Variants in ASB10 observed in about 807,000 individuals in gnomAD.
ASB10 encodes the protein ankyrin repeat and SOCS box containing 10.
Under a neutral mutation model 35.4 loss-of-function variants are expected in ASB10, and 44 were observed. That is an observed-to-expected ratio of 1.24 (90% CI 0.98 to 1.60). ASB10 has a LOEUF of 1.60. Ranked by LOEUF, ASB10 falls within the 40% of genes most tolerant of loss-of-function variation. The pLI is 0.00. For synonymous variants in ASB10, 294 were observed against 280.4 expected (o/e 1.05, Z -0.49); for missense variants, 647 against 634.3 (o/e 1.02, Z -0.22).
upstream of ASB10, chr7:151,187,363 T>C (rs1346463283): frequency 1.2e-5 from 19 of 1,538,738 alleles, no homozygotes; most frequent in South Asian, 1.7e-4. The surrounding 1 kb of genome is among the most constrained non-coding windows in gnomAD (Gnocchi z 5.3). Flanking sequence ...AGCCGGGGGC[T>C]TCTCCTTTCA....
At chr7:151,180,687 A>T (rs891508) in intron 3 of ASB10, among the ~76,000 whole-genome samples, 2 of 152,070 alleles carry the variant, frequency 1.3e-5, no homozygotes, top group Non-Finnish European at 2.9e-5. Flanking sequence ...ATGCACATAC[A>T]TGCATGAACA....
Position 151,187,201 on chromosome 7 carries a change from G to C in ASB10, c.-71C>G, listed in dbSNP as rs1563578665. ...AGGCAGAGAGAGAGAGAGAGAGCAG[G>C]AGGGAAATACAGACAGACAGAAGGC... On this transcript the variant is annotated 5_prime_UTR_variant, in exon 1 of 6. Transcript: ENST00000420175. The surrounding 1 kb of genome is among the most constrained non-coding windows in gnomAD (Gnocchi z 5.3). 1 of 1,541,920 alleles carries C rather than the reference G, an allele frequency of 6.5e-7. No homozygotes were observed. Among genetic ancestry groups the C allele is most frequent in the Non-Finnish European group, 8.8e-7 (1 of 1,142,038 alleles).
In ASB10 at chr7:151,181,067, C is replaced by T. The variant is rs775622451; in HGVS notation, c.976G>A (p.Gly326Arg). Residue 326 changes from glycine to arginine, a missense_variant, in exon 3 of 6, where the codon GGG (glycine) becomes AGG (arginine). Transcript: ENST00000420175. Reference protein sequence around the residue: ...CGVSANTMDYGGHTPLHCALQ... With the variant: ...CGVSANTMDYRGHTPLHCALQ... The stretch of plus-strand genomic sequence containing the variant: ...GCACAGTGCAGGGGCGTGTGTCCCC[C>T]ATAGTCCATGGTGTTGGCGCTGACA... The T allele has an allele frequency of 1.2e-6, 2 of 1,612,582 alleles. No homozygotes were observed. The highest frequency in any genetic ancestry group is 4.5e-5 in the East Asian group (2 of 44,872).
At chr7:151,179,456 C>T (rs551169327) in intron 3 of ASB10, among the ~76,000 whole-genome samples, 2 of 152,356 alleles carry the variant, frequency 1.3e-5, no homozygotes, top group East Asian at 1.9e-4. Context: ...CTACAGCTTT[C>T]CATCCTGTTA....
chr7:151,179,773 C>T (rs535045420), intron 3 of ASB10, among the ~76,000 whole-genome samples: 2 of 152,296 alleles, frequency 1.3e-5, no homozygotes, highest in South Asian at 2.1e-4. Flanking sequence ...GAAACCCTTT[C>T]GCTGCGCCGG....
chr7:151,179,498 C>T (rs1041712170), intron 3 of ASB10, among the ~76,000 whole-genome samples: 23 of 152,210 alleles, frequency 1.5e-4, no homozygotes, highest in Admixed American at 5.2e-4. Context: ...AGTGACTTGC[C>T]TACACCCATA....
rs746844082 is a variant in ASB10, at chr7:151,181,271, C to T, written c.772G>A (p.Val258Ile). ...GCATCGGTGATGGACTGGCAGCGGA[C>T]GTCACAGGCAGCCAGCAGTGGGGTC... is the stretch of plus-strand genomic sequence containing the variant. ...GWTPLLAACD[V>I]RCQSITDAEA... The change falls in exon 3 of 6, where the codon GTC becomes ATC. Residue 258 changes from valine to isoleucine, a missense_variant. Val to Ile is a conservative substitution (Grantham distance 29, BLOSUM62 3). Coordinates refer to ENST00000420175, the MANE Select transcript of ASB10 (RefSeq NM_001142459.2). The T allele has an allele frequency of 7.4e-6, 12 of 1,613,104 alleles. No homozygotes were observed. Among genetic ancestry groups the T allele is most frequent in the Admixed American group, 3.3e-5 (2 of 60,012 alleles).
chr7:151,187,629 G>A (rs104886465), upstream of ASB10: 20 of 1,538,470 alleles, frequency 1.3e-5, no homozygotes, highest in East Asian at 9.9e-5. This position sits in a 1 kb window ranked among gnomAD's most constrained non-coding sequence, Gnocchi z 5.3. Context: ...CAGGCTGGGC[G>A]GGAGTGGGGC....
chr7:151,179,286 C>T (rs1185081733), intron 3 of ASB10, among the ~76,000 whole-genome samples: 5 of 152,200 alleles, frequency 3.3e-5, no homozygotes, highest in Non-Finnish European at 5.9e-5. Context: ...GAAGGCCACA[C>T]AGGTAGTGTG....
In ASB10 at chr7:151,175,889, G is replaced by T; in HGVS notation, c.*78C>A. ...GGGCCTCCTGCTGCCAGGGCTACCTGGCCTGAGTTAGTGCAGAGGCGCGCC... is the reference window on the plus strand; with the variant it reads ...GGGCCTCCTGCTGCCAGGGCTACCTTGCCTGAGTTAGTGCAGAGGCGCGCC... On this transcript the variant is annotated 3_prime_UTR_variant, in exon 6 of 6. Coordinates refer to ENST00000420175, the MANE Select transcript of ASB10 (RefSeq NM_001142459.2). 1 of 534,546 alleles carries T rather than the reference G, an allele frequency of 1.9e-6. No individual in the cohort carries two copies. Among genetic ancestry groups the T allele is most frequent in the Non-Finnish European group, 3.2e-6 (1 of 314,408 alleles). The allele number at this position is 534,546 out of a possible 1,614,324, so 33.1% of individuals were successfully genotyped here.
At position 151,176,689 on chromosome 7, in the gene ASB10, G is replaced by A. The variant is rs1353930981; in HGVS notation, c.1105-13C>T. The A allele has an allele frequency of 8.5e-6, 13 of 1,536,494 alleles. No individual in the cohort carries two copies. The highest frequency in any genetic ancestry group is 1.1e-5 in the Non-Finnish European group (13 of 1,133,822). Reference sequence around the variant, plus strand: ...AGCGCTCCAGCACCTGTGGGAGGCAGAGGCATGTTGGGTCCTCAGTCAGTC... The same window carrying A: ...AGCGCTCCAGCACCTGTGGGAGGCAAAGGCATGTTGGGTCCTCAGTCAGTC... On this transcript the variant is annotated splice_polypyrimidine_tract_variant and intron_variant, in intron 3 of 5. Transcript: ENST00000420175.
At chr7:151,176,753 G>C in intron 3 of ASB10, 77 bp from the exon 4 acceptor site, 1 of 1,028,484 alleles carries the variant, frequency 9.7e-7, no homozygotes, top group Non-Finnish European at 1.5e-6. Context: ...GTTGTTGTGG[G>C]TTGAACTTTG....
chr7:151,186,741 G>T, intron 1 of ASB10, 74 bp downstream of exon 1: 3 of 1,537,446 alleles, frequency 2.0e-6, no homozygotes, highest in Non-Finnish European at 1.8e-6. Context: ...GCAGAGGCAG[G>T]AAGAGGGAGC....
chr7:151,180,914 C>G, intron 3 of ASB10, 25 bp downstream of exon 3: 1 of 1,468,372 alleles, frequency 6.8e-7, no homozygotes, highest in Non-Finnish European at 9.0e-7. Flanking sequence ...CATGGTGGCC[C>G]TCCTGCTGCC....
In ASB10 at chr7:151,186,957, G is replaced by GA; in HGVS notation, c.173dup (p.Trp59LeufsTer26). Reference sequence around the variant, plus strand: ...CGTCCCCAGCCAGCACTGCCTGCCAGAAGGCAAGGGCAGGTCCTGAGGCTG... The same window carrying GA: ...CGTCCCCAGCCAGCACTGCCTGCCAGAAAGGCAAGGGCAGGTCCTGAGGCTG... On this transcript the variant is annotated frameshift_variant, in exon 1 of 6. Coordinates refer to ENST00000420175, the MANE Select transcript of ASB10 (RefSeq NM_001142459.2). LOFTEE classifies it high-confidence loss of function. The GA allele has an allele frequency of 6.2e-7, 1 of 1,613,882 alleles. No homozygotes were observed. Among genetic ancestry groups the GA allele is most frequent in the Non-Finnish European group, 8.5e-7 (1 of 1,180,010 alleles).
chr7:151,176,564 T>C lies in ASB10; in HGVS notation c.1217A>G (p.Gln406Arg), dbSNP rs1801392332. Residue 406 changes from glutamine (Q) to arginine (R), a missense_variant and splice_region_variant, in exon 4 of 6, where the codon CAG (glutamine) becomes CGG (arginine). By Grantham distance (43) the Gln-to-Arg change is conservative. Coordinates refer to ENST00000420175, the MANE Select transcript of ASB10 (RefSeq NM_001142459.2). ...ATGTTCAGGGCCTTGGAATCTGACC[T>C]GCAGAGTTTCAGGAGTCACCAGGCC... Reference protein sequence around the residue: ...AVGLVTPETLQKHQRFYSSLF... With the variant: ...AVGLVTPETLRKHQRFYSSLF... 1 of 1,550,428 alleles carries C rather than the reference T, an allele frequency of 6.4e-7. No individual in the cohort carries two copies. Among genetic ancestry groups the C allele is most frequent in the African/African-American group, 1.4e-5 (1 of 73,132 alleles).
chr7:151,177,732 G>A (rs1801414765), intron 3 of ASB10, among the ~76,000 whole-genome samples: 1 of 152,210 alleles, frequency 6.6e-6, no homozygotes, highest in African/African-American at 2.4e-5. Flanking sequence ...GCCTGCAGGA[G>A]CAGGAGAGGA....
chr7:151,181,594 G>T (rs550694022), intron 2 of ASB10, 136 bp from the exon 3 acceptor site: 2 of 1,340,822 alleles, frequency 1.5e-6, no homozygotes, highest in Admixed American at 3.0e-5. Flanking sequence ...GCACCATTCT[G>T]CAAGATCAAC....
chr7:151,186,563 C>A lies in ASB10; in HGVS notation c.413G>T (p.Arg138Leu), dbSNP rs770496064. Reference sequence around the variant, plus strand: ...AGGGGCACTGTCTGGCCTTGCTCGCCGCCTCAGCAGCAGCCGCAGGACTTC... The same window carrying A: ...AGGGGCACTGTCTGGCCTTGCTCGCAGCCTCAGCAGCAGCCGCAGGACTTC... ...HTEVLRLLLR[R>L]RARPDSAPGG... The change falls in exon 2 of 6, where the codon CGG becomes CTG. Residue 138 changes from arginine to leucine, a missense_variant. By Grantham distance (102) the Arg-to-Leu change is moderately radical (BLOSUM62 -2). Transcript: ENST00000420175. 3.1e-6 allele frequency: 5 copies of A among 1,605,394 alleles called. No individual in the cohort carries two copies. Among genetic ancestry groups the A allele is most frequent in the Middle Eastern group, 1.7e-4 (1 of 6,012 alleles).
Sources: allele counts gnomAD v4.1 joint callset (sites outside exome capture counted in the v4.1 genomes callset), GRCh38; gene constraint gnomAD v4.1.1; non-coding constraint Gnocchi (gnomAD v3.1); transcripts MANE v1.5; gene names NCBI Gene and HGNC (gene_info 2026-07-23, HGNC 2026-07-21).